IRAK3: variants seen among roughly 807,000 people sequenced by gnomAD.
IRAK3 encodes interleukin 1 receptor associated kinase 3.
In IRAK3, 57 loss-of-function variants were observed where a neutral mutation model predicts 56.6. That is an observed-to-expected ratio of 1.01 (90% confidence interval 0.81 to 1.26). IRAK3 has a LOEUF of 1.26. Ranked by LOEUF, IRAK3 falls within the 50% of genes most tolerant of loss-of-function variation. The pLI, the probability that IRAK3 is intolerant of heterozygous loss-of-function variation, is 0.00. For synonymous variants in IRAK3, 258 were observed against 255.7 expected (o/e 1.01, Z -0.09); for missense variants, 703 against 719.0 (o/e 0.98, Z 0.25).
At position 66,208,367 on chromosome 12, in the gene IRAK3, C is replaced by A. The variant is rs11831243; in HGVS notation, c.317-1089C>A. Among the ~76,000 whole-genome samples the A allele has an allele frequency of 7.6e-3, 1,154 of 152,060 alleles. 22 individuals carry two copies. Among genetic ancestry groups the A allele is most frequent in the African/African-American group, 0.026 (1,075 of 41,464 alleles). On this transcript the variant is annotated intron_variant, in intron 2 of 11. Transcript: ENST00000261233. ...CAAACACACACACACGCACACACAC[C>A]ACCTCCAATACTTTATGGCACAAGA... is the stretch of plus-strand genomic sequence containing the variant.
chr12:66,241,437 T>G (rs1452382389), intron 8 of IRAK3, among the ~76,000 whole-genome samples: 2 of 152,208 alleles, frequency 1.3e-5, no homozygotes, highest in Non-Finnish European at 2.9e-5. Flanking sequence ...TTTGTTAGTT[T>G]ATTTTCACCC....
At chr12:66,239,611 C>T (rs1367375039) in intron 8 of IRAK3, among the ~76,000 whole-genome samples, 2 of 152,182 alleles carry the variant, frequency 1.3e-5, no homozygotes, top group African/African-American at 4.8e-5. Flanking sequence ...CCCTTTCCCT[C>T]ATAACCCCCT....
At chr12:66,197,770 C>A (rs1190632061) in intron 1 of IRAK3, 9 of 985,260 alleles carry the variant, frequency 9.1e-6, no homozygotes, top group Non-Finnish European at 1.1e-5. Flanking sequence ...GCTCATTTGG[C>A]ATCTGTTCAT....
intron 6 of IRAK3, among the ~76,000 whole-genome samples, chr12:66,224,876 T>C (rs1025885712): frequency 4.6e-5 from 7 of 152,196 alleles, no homozygotes; most frequent in African/African-American, 1.7e-4. Context: ...TTTGCTGAAG[T>C]GATTTTAGAA....
At chr12:66,244,386 G>A (rs963553609) in intron 8 of IRAK3, 100 bp from the exon 9 acceptor site, 6 of 836,204 alleles carry the variant, frequency 7.2e-6, no homozygotes, top group Admixed American at 3.9e-5. Context: ...ACAGTGTTTC[G>A]AATTAACCAG....
intron 8 of IRAK3, among the ~76,000 whole-genome samples, chr12:66,239,371 C>T (rs567930107): frequency 2.2e-4 from 33 of 151,164 alleles, no homozygotes; most frequent in African/African-American, 7.5e-4. Flanking sequence ...GTAATTTCCT[C>T]TCCAAAAGAC....
At position 66,228,558 on chromosome 12, in the gene IRAK3, T is replaced by G. The variant is rs187266460; in HGVS notation, c.887+188T>G. Among the ~76,000 whole-genome samples the G allele has an allele frequency of 9.1e-4, 139 of 152,328 alleles. 1 individual carries two copies. The highest frequency in any genetic ancestry group is 3.3e-3 in the African/African-American group (137 of 41,568). ...AATGTGTCTACCAAATTTAAAAAGC[T>G]ATATGTATGTTGCCAAAAAGAGAGT... On this transcript the variant is annotated intron_variant, in intron 8 of 11. Transcript: ENST00000261233.
intron 1 of IRAK3, among the ~76,000 whole-genome samples, chr12:66,191,062 A>C (rs978127666): frequency 2.0e-5 from 3 of 152,170 alleles, no homozygotes; most frequent in Non-Finnish European, 2.9e-5. Context: ...GGGAGCCAGC[A>C]CCATTGCTTG....
At chr12:66,191,008 A>G (rs2052393690) in intron 1 of IRAK3, among the ~76,000 whole-genome samples, 1 of 152,246 alleles carries the variant, frequency 6.6e-6, no homozygotes, top group South Asian at 2.1e-4. Context: ...ATGAATGAGG[A>G]CCACCCAAAT....
chr12:66,244,725 C>A, intron 9 of IRAK3, 41 bp downstream of exon 9: 1 of 1,517,310 alleles, frequency 6.6e-7, no homozygotes, highest in Non-Finnish European at 9.2e-7. Context: ...AGTTTATTGC[C>A]AAGAATGTTC....
rs753385801 is a variant in IRAK3 at position 66,249,889 on chromosome 12, G to A, written c.*1718G>A. 6.6e-6 allele frequency: 1 copy of A among 152,124 alleles called. No individual in the cohort carries two copies. The highest frequency in any genetic ancestry group is 6.5e-5 in the Admixed American group (1 of 15,282). 9.4% of individuals were successfully genotyped at this position (152,124 alleles called of 1,614,324 possible). ...TCCTTAATTTAATTACACCTGCAAAGTCCGTTTTCTCGTGTAAAGTAACAT... is the reference window on the plus strand; with the variant it reads ...TCCTTAATTTAATTACACCTGCAAAATCCGTTTTCTCGTGTAAAGTAACAT... On this transcript the variant is annotated 3_prime_UTR_variant, in exon 12 of 12. Coordinates refer to ENST00000261233, the MANE Select transcript of IRAK3 (RefSeq NM_007199.3).
chr12:66,208,218 G>A (rs2052575215), intron 2 of IRAK3, among the ~76,000 whole-genome samples: 1 of 151,944 alleles, frequency 6.6e-6, no homozygotes, highest in Admixed American at 6.6e-5. Flanking sequence ...AATATGGCAG[G>A]GTTTTACTCT....
At position 66,245,196 on chromosome 12, in the gene IRAK3, C is replaced by G; in HGVS notation, c.1248C>G (p.Ala416=). 6.2e-7 allele frequency: 1 copy of G among 1,614,148 alleles called. No individual in the cohort carries two copies. The highest frequency in any genetic ancestry group is 8.5e-7 in the Non-Finnish European group (1 of 1,180,030). The stretch of plus-strand genomic sequence containing the variant: ...CTCCCTGCCCTCGGAATTTCTCTGC[C>G]AAGCTCTTCTGTTTGGCAGGCCGGT... The part of the protein sequence containing the change: ...KVPPCPRNFS[A]KLFCLAGRCA... Residue 416 remains alanine (A), a synonymous_variant, in exon 11 of 12, where the codon GCC becomes GCG. Coordinates refer to ENST00000261233, the MANE Select transcript of IRAK3 (RefSeq NM_007199.3).
At position 66,201,023 on chromosome 12, in the gene IRAK3, G is replaced by A. The variant is rs536442850; in HGVS notation, c.134-2688G>A. Among the ~76,000 whole-genome samples the A allele has an allele frequency of 8.3e-4, 127 of 152,190 alleles. No individual in the cohort carries two copies. The South Asian group carries it at 0.026, about 31-fold the overall frequency. On this transcript the variant is annotated intron_variant, in intron 1 of 11. Coordinates refer to ENST00000261233, the MANE Select transcript of IRAK3 (RefSeq NM_007199.3). Reference sequence around the variant, plus strand: ...GTCAAGATGGGGTTTCACCATGTTGGCCAGGCTGGTCTCAAACTCCTGACC... The same window carrying A: ...GTCAAGATGGGGTTTCACCATGTTGACCAGGCTGGTCTCAAACTCCTGACC...
chr12:66,195,103 C>T (rs1361367672), intron 1 of IRAK3, among the ~76,000 whole-genome samples: 1 of 152,208 alleles, frequency 6.6e-6, no homozygotes, highest in African/African-American at 2.4e-5. Flanking sequence ...GTTTTCCCAT[C>T]TCAGTAATGG....
At chr12:66,219,779 A>C (rs1053728340) in intron 6 of IRAK3, among the ~76,000 whole-genome samples, 2 of 152,028 alleles carry the variant, frequency 1.3e-5, no homozygotes, top group African/African-American at 4.8e-5. Context: ...TGTGGTTTTG[A>C]TTTGCATTTT....
Position 66,244,672 on chromosome 12 carries a change from C to T in IRAK3, c.1074C>T (p.Tyr358=). ...QGKLSIKTDV[Y]SFGIVIMEVL... Reference sequence around the variant, plus strand: ...AACTTTCCATTAAAACAGATGTCTACAGCTTTGGAATTGTGAGTACCAACT... The same window carrying T: ...AACTTTCCATTAAAACAGATGTCTATAGCTTTGGAATTGTGAGTACCAACT... Residue 358 remains tyrosine (Y), a synonymous_variant, in exon 9 of 12, where the codon TAC becomes TAT. Transcript: ENST00000261233. The T allele has an allele frequency of 6.2e-7, 1 of 1,613,332 alleles. No individual in the cohort carries two copies.
Position 66,189,422 on chromosome 12 carries a change from G to A in IRAK3, c.123G>A (p.Trp41Ter). Residue 41 changes from tryptophan (W) to a stop codon, truncating the protein, a stop_gained, in exon 1 of 12, where the codon TGG becomes TGA. Transcript: ENST00000261233. LOFTEE classifies it high-confidence loss of function. ...ACAGCTGCGACGGCGCGCTGGGCTG[G>A]CGCGGCCTGGGTGAGTCGGCGGGGA... ...VLDSCDGALGWRGLAERLSSS... is the reference protein window; with the variant it reads ...VLDSCDGALG The A allele has an allele frequency of 2.1e-6, 3 of 1,398,534 alleles. No individual in the cohort carries two copies. Among genetic ancestry groups the A allele is most frequent in the Non-Finnish European group, 2.8e-6 (3 of 1,074,756 alleles). The allele number at this position is 1,398,534 out of a possible 1,614,324, so 86.6% of individuals were successfully genotyped here.
chr12:66,239,260 G>A (rs1176633988), intron 8 of IRAK3, among the ~76,000 whole-genome samples: 1 of 149,974 alleles, frequency 6.7e-6, no homozygotes, highest in Non-Finnish European at 1.5e-5. Context: ...AAATGGTCTA[G>A]GAAAGAAACA....
Sources: gnomAD v4.1 joint callset for allele counts (sites outside exome capture counted in the v4.1 genomes callset) on GRCh38, gnomAD v4.1.1 for gene constraint, MANE v1.5 for transcripts, NCBI Gene and HGNC (gene_info 2026-07-23, HGNC 2026-07-21) for gene names.